ST7: variants seen among roughly 807,000 people sequenced by gnomAD.
The protein encoded by ST7 is suppressor of tumorigenicity 7 protein.
ST7 carries 28 observed loss-of-function variants against 78.7 expected under a neutral mutation model. The observed-to-expected ratio is 0.36, with a 90% CI of 0.26 to 0.49. The LOEUF is 0.49. Ranked by LOEUF, ST7 falls within the 20% of genes least tolerant of loss-of-function variation. ST7 has a pLI of 0.99. For synonymous variants in ST7, 247 were observed against 249.6 expected, an observed-to-expected ratio of 0.99 and a Z score of 0.10; for missense variants, 418 against 696.0, an observed-to-expected ratio of 0.60 and a Z score of 4.49.
chr7:117,024,316 G>C lies in ST7; in HGVS notation c.151+70625G>C, dbSNP rs151210561. 5.9e-5 allele frequency among the ~76,000 whole-genome samples: 9 copies of C among 152,236 alleles called. No homozygotes were observed. The East Asian group carries it at 1.4e-3, about 23-fold the overall frequency. ...GGTTACATCCTCCTTGATAAAGCCA[G>C]TTATTCTTCAAAGAGTAGATACTTT... On this transcript the variant is annotated intron_variant, in intron 1 of 15. Coordinates refer to ENST00000323984, the MANE Select transcript of ST7 (RefSeq NM_001369598.1).
chr7:117,153,513 A>G (rs1361050207), intron 9 of ST7, among the ~76,000 whole-genome samples: 1 of 152,198 alleles, frequency 6.6e-6, no homozygotes, highest in African/African-American at 2.4e-5. Context: ...AAGTGGCCAG[A>G]GAAGTAGGAA....
At chr7:116,966,924 T>G (rs1447497562) in intron 1 of ST7, among the ~76,000 whole-genome samples, 1 of 152,218 alleles carries the variant, frequency 6.6e-6, no homozygotes, top group African/African-American at 2.4e-5. Context: ...TTCTCTGTCC[T>G]AGTTTACTTA....
chr7:117,185,065 A>G (rs1054572438), intron 10 of ST7, among the ~76,000 whole-genome samples: 1 of 152,190 alleles, frequency 6.6e-6, no homozygotes, highest in Non-Finnish European at 1.5e-5. Flanking sequence ...ACTTTCTCCT[A>G]GAGGATAGTA....
At chr7:117,140,686 A>G (rs10224794) in intron 9 of ST7, among the ~76,000 whole-genome samples, 5,188 of 152,146 alleles carry the variant, frequency 0.034, 239 homozygotes, top group African/African-American at 0.11. Context: ...TTGTATATAT[A>G]TGCGTGTTTC....
chr7:116,988,925 T>C (rs1435213005), intron 1 of ST7, among the ~76,000 whole-genome samples: 2 of 152,214 alleles, frequency 1.3e-5, no homozygotes, highest in Non-Finnish European at 2.9e-5. Context: ...TATGATGCTC[T>C]AGGCTCCCTA....
chr7:117,097,908 A>ATATATTTTTTT, intron 1 of ST7, among the ~76,000 whole-genome samples: 7 of 30,012 alleles, frequency 2.3e-4, no homozygotes, highest in African/African-American at 1.1e-3. Context: ...ATATATATAT[A>ATATATTTTTTT]TTTTTTTTTT....
intron 1 of ST7, among the ~76,000 whole-genome samples, chr7:116,958,366 G>A (rs543704173): frequency 2.6e-5 from 4 of 152,018 alleles, no homozygotes; most frequent in Admixed American, 6.6e-5. Context: ...TATTGTTGAC[G>A]TGATATAGAA....
intron 3 of ST7, among the ~76,000 whole-genome samples, chr7:117,124,609 A>T (rs1454142640): frequency 6.6e-6 from 1 of 152,164 alleles, no homozygotes; most frequent in African/African-American, 2.4e-5. Flanking sequence ...TACTGTAGGA[A>T]CAGTTCAGTG....
intron 10 of ST7, among the ~76,000 whole-genome samples, chr7:117,179,712 A>T (rs1209272027): frequency 7.1e-6 from 1 of 140,300 alleles, no homozygotes; most frequent in South Asian, 2.3e-4. Flanking sequence ...GTGGGGGGGT[A>T]GGGGGACTGG....
intron 9 of ST7, among the ~76,000 whole-genome samples, chr7:117,145,914 C>T (rs1317074807): frequency 1.3e-5 from 2 of 152,168 alleles, no homozygotes; most frequent in Non-Finnish European, 2.9e-5. Context: ...ATGATAGCTG[C>T]TAACTAACCC....
At chr7:116,993,353 C>T (rs997404368) in intron 1 of ST7, among the ~76,000 whole-genome samples, 3 of 152,042 alleles carry the variant, frequency 2.0e-5, no homozygotes, top group Admixed American at 6.6e-5. Context: ...TCTTACATGG[C>T]AGCAGAAAGA....
At chr7:117,021,648 C>T (rs999421850) in intron 1 of ST7, among the ~76,000 whole-genome samples, 14 of 152,152 alleles carry the variant, frequency 9.2e-5, no homozygotes, top group African/African-American at 3.1e-4. Flanking sequence ...AGTAGCATTT[C>T]GAGAGAGCTA....
intron 1 of ST7, among the ~76,000 whole-genome samples, chr7:117,097,327 CT>C (rs762770944): frequency 3.6e-3 from 497 of 136,810 alleles, no homozygotes; most frequent in Non-Finnish European, 4.9e-3. Context: ...ATTCTGCTGG[CT>C]TTTTTTTTTT....
intron 1 of ST7, among the ~76,000 whole-genome samples, chr7:117,070,794 C>T (rs1277920664): frequency 2.0e-5 from 3 of 152,022 alleles, no homozygotes; most frequent in South Asian, 2.1e-4. Flanking sequence ...CCGCCCGCCT[C>T]GGCCTCCCAA....
intron 10 of ST7, among the ~76,000 whole-genome samples, chr7:117,177,074 T>C (rs1473396552): frequency 6.6e-6 from 1 of 152,220 alleles, no homozygotes; most frequent in African/African-American, 2.4e-5. Flanking sequence ...ACTATGGCTG[T>C]GGCTTCATGC....
chr7:117,160,873 A>G (rs570650870), intron 9 of ST7, among the ~76,000 whole-genome samples: 138 of 152,242 alleles, frequency 9.1e-4, no homozygotes, highest in Non-Finnish European at 1.0e-3. Flanking sequence ...GGCATTCTTC[A>G]GGATAAAATA....
At chr7:117,223,310 C>G in intron 15 of ST7, 1 of 279,674 alleles carries the variant, frequency 3.6e-6, no homozygotes, top group Non-Finnish European at 6.8e-6. Flanking sequence ...CACCGTCTTT[C>G]TTTTATACTG....
intron 1 of ST7, among the ~76,000 whole-genome samples, chr7:117,091,442 T>C (rs759837400): frequency 1.1e-4 from 16 of 152,186 alleles, no homozygotes; most frequent in Non-Finnish European, 1.9e-4. Flanking sequence ...AATGAAGATA[T>C]TTTATTTCCA....
intron 1 of ST7, among the ~76,000 whole-genome samples, chr7:117,052,394 T>TA (rs1797832534): frequency 1.3e-5 from 2 of 152,358 alleles, no homozygotes; most frequent in African/African-American, 4.8e-5. Context: ...GAAAGGATTT[T>TA]AGAGTTATAT....
Sources: gnomAD v4.1 joint callset for allele counts (sites outside exome capture counted in the v4.1 genomes callset) on GRCh38, gnomAD v4.1.1 for gene constraint, MANE v1.5 for transcripts, NCBI Gene and HGNC (gene_info 2026-07-23, HGNC 2026-07-21) for gene names.